Variants in FBXL17 observed in about 807,000 individuals in gnomAD.
The protein encoded by FBXL17 is F-box/LRR-repeat protein 17.
Under a neutral mutation model 66.2 loss-of-function variants are expected in FBXL17, and 22 were observed. The observed-to-expected ratio is 0.33, with a 90% confidence interval of 0.24 to 0.47. The LOEUF is 0.47. Ranked by LOEUF, FBXL17 falls within the 20% of genes least tolerant of loss-of-function variation. The probability of loss-of-function intolerance (pLI) is 1.00; values close to 1 mark genes in which losing one functional copy is unlikely to be tolerated. For synonymous variants in FBXL17, 474 were observed against 400.5 expected (o/e 1.18, Z -2.19); for missense variants, 878 against 948.2 (o/e 0.93, Z 0.97).
In FBXL17 at chr5:108,304,918, C is replaced by CT. The variant is rs560201662; in HGVS notation, c.1506+43480dup. ...AACTTTTCCATAAGGGACCAATACT[C>CT]TACTGTATGTCTACAATAAAACTTT... On this transcript the variant is annotated intron_variant, in intron 4 of 8. Coordinates refer to ENST00000542267, the MANE Select transcript of FBXL17 (RefSeq NM_001163315.3). Among the ~76,000 whole-genome samples the CT allele has an allele frequency of 8.5e-4, 130 of 152,146 alleles. 1 individual carries two copies. In the Middle Eastern group the frequency reaches 0.01, roughly 12 times the overall value.
rs180889654 is a variant in FBXL17 at position 108,068,999 on chromosome 5, C to T, written c.1746-47998G>A. Among the ~76,000 whole-genome samples the T allele has an allele frequency of 1.0e-3, 154 of 152,266 alleles. 1 individual carries two copies. The highest frequency in any genetic ancestry group is 2.0e-3 in the Admixed American group (30 of 15,298). ...AACATTTAGAGAACATCTTATTTGGCTGGAAACAAGATCATAAGATAATTC... is the reference window on the plus strand; with the variant it reads ...AACATTTAGAGAACATCTTATTTGGTTGGAAACAAGATCATAAGATAATTC... On this transcript the variant is annotated intron_variant, in intron 6 of 8. Coordinates refer to ENST00000542267, the MANE Select transcript of FBXL17 (RefSeq NM_001163315.3).
intron 5 of FBXL17, among the ~76,000 whole-genome samples, chr5:108,193,520 T>C (rs899995035): frequency 6.6e-6 from 1 of 152,148 alleles, no homozygotes; most frequent in Non-Finnish European, 1.5e-5. Flanking sequence ...AGGTCTGTTA[T>C]CTACACTTAG....
chr5:108,381,664 G>A lies in FBXL17; in HGVS notation c.28C>T (p.Arg10Cys). 6 of 1,474,222 alleles carry A rather than the reference G, an allele frequency of 4.1e-6. No homozygotes were observed. The highest frequency in any genetic ancestry group is 5.4e-6 in the Non-Finnish European group (6 of 1,116,612). 91.3% of individuals were successfully genotyped at this position (1,474,222 alleles called of 1,614,324 possible). A position where few individuals can be genotyped will look rare whatever the true frequency, so the allele number is the denominator to read the frequency against. ...GGCCTCTTCTGGCTCGGGCGGTTAC[G>A]CGGCTCCTTCGAGAGAAGGTGGCCC... MGHLLSKEP[R>C]NRPSQKRPRC... Residue 10 changes from arginine to cysteine, a missense_variant, in exon 1 of 9, where the codon CGT (arginine) becomes TGT (cysteine). This residue lies in a region of FBXL17 where 605 missense variants were observed against 509.5 expected (regional missense o/e 1.19). Transcript: ENST00000542267.
At chr5:108,126,295 A>T (rs1750693597) in intron 6 of FBXL17, among the ~76,000 whole-genome samples, 5 of 152,194 alleles carry the variant, frequency 3.3e-5, no homozygotes, top group African/African-American at 9.6e-5. Context: ...TTTCTTAGAA[A>T]CTATTTTGGA....
chr5:107,925,696 G>A (rs555798216), intron 7 of FBXL17, among the ~76,000 whole-genome samples: 19 of 152,278 alleles, frequency 1.2e-4, no homozygotes, highest in African/African-American at 4.6e-4. Flanking sequence ...GTTGTCCACA[G>A]TAGTAATGTG....
intron 8 of FBXL17, among the ~76,000 whole-genome samples, chr5:107,874,950 C>T (rs576998458): frequency 1.6e-4 from 25 of 152,340 alleles, no homozygotes; most frequent in Admixed American, 9.2e-4. Flanking sequence ...GCCCCAGCTG[C>T]ACTCTCACCA....
intron 6 of FBXL17, among the ~76,000 whole-genome samples, chr5:108,033,143 C>T (rs995206311): frequency 6.6e-6 from 1 of 152,134 alleles, no homozygotes; most frequent in Non-Finnish European, 1.5e-5. Context: ...AACCCATTAT[C>T]CATCACTTAG....
chr5:108,127,373 A>G (rs895587454), intron 6 of FBXL17, among the ~76,000 whole-genome samples: 5 of 152,236 alleles, frequency 3.3e-5, no homozygotes, highest in African/African-American at 1.2e-4. Flanking sequence ...AAAACAGTGT[A>G]GAAAAGCTGT....
chr5:108,324,692 A>G (rs1759769432), intron 4 of FBXL17, among the ~76,000 whole-genome samples: 1 of 152,076 alleles, frequency 6.6e-6, no homozygotes, highest in South Asian at 2.1e-4. Flanking sequence ...CCAACTGTCT[A>G]TCAATAGATG....
Position 107,988,710 on chromosome 5 carries a change from AT to A in FBXL17, c.1822+32214del, listed in dbSNP as rs545062870. On this transcript the variant is annotated intron_variant, in intron 7 of 8. Coordinates refer to ENST00000542267, the MANE Select transcript of FBXL17 (RefSeq NM_001163315.3). ...TGAATTAAAAGGATGAAATTCTTTT[AT>A]TATAGATATAGTGCTATCTTTAAAT... 3.7e-3 allele frequency among the ~76,000 whole-genome samples: 556 copies of A among 152,176 alleles called. 1 individual carries two copies. The highest frequency in any genetic ancestry group is 5.6e-3 in the Admixed American group (85 of 15,288).
At chr5:108,063,834 A>G (rs1748013855) in intron 6 of FBXL17, among the ~76,000 whole-genome samples, 1 of 152,082 alleles carries the variant, frequency 6.6e-6, no homozygotes, top group Admixed American at 6.5e-5. Context: ...GTTTTCTTGG[A>G]TGAAAAAAAC....
chr5:108,201,557 G>A (rs1177881893), intron 5 of FBXL17, among the ~76,000 whole-genome samples: 1 of 151,802 alleles, frequency 6.6e-6, no homozygotes, highest in African/African-American at 2.4e-5. Context: ...AAATAAATTG[G>A]ATTATATTTA....
At chr5:107,947,173 A>G (rs1399885616) in intron 7 of FBXL17, among the ~76,000 whole-genome samples, 1 of 152,178 alleles carries the variant, frequency 6.6e-6, no homozygotes, top group Non-Finnish European at 1.5e-5. Flanking sequence ...CCTGACAGGT[A>G]AAGTACAATG....
intron 8 of FBXL17, among the ~76,000 whole-genome samples, chr5:107,871,574 C>T (rs1464435132): frequency 2.6e-5 from 4 of 152,080 alleles, no homozygotes; most frequent in Non-Finnish European, 5.9e-5. Flanking sequence ...ATGTGTTGGC[C>T]GCTCTAAGGC....
At chr5:107,925,479 T>A (rs181237617) in intron 7 of FBXL17, among the ~76,000 whole-genome samples, 3 of 152,320 alleles carry the variant, frequency 2.0e-5, no homozygotes, top group Admixed American at 2.0e-4. Flanking sequence ...TGTGACTTTG[T>A]TGACAGCACG....
chr5:108,177,825 T>TA (rs1023336528), intron 6 of FBXL17, among the ~76,000 whole-genome samples: 3 of 150,870 alleles, frequency 2.0e-5, no homozygotes, highest in African/African-American at 7.3e-5. Context: ...ACAATGTGTA[T>TA]AAACAGAACA....
rs966511010 is a variant in FBXL17 at position 108,376,664 on chromosome 5, G to C, written c.993+4035C>G. 3.3e-5 allele frequency among the ~76,000 whole-genome samples: 5 copies of C among 151,992 alleles called. No homozygotes were observed. In the East Asian group the frequency reaches 9.6e-4, roughly 29 times the overall value. ...AGTCTAATATCTAGGCTCACTCACA[G>C]TCAGTTTCTATTAACTGCTTTCTTT... On this transcript the variant is annotated intron_variant, in intron 1 of 8. Transcript: ENST00000542267.
chr5:108,136,791 G>A (rs1286951265), intron 6 of FBXL17, among the ~76,000 whole-genome samples: 7 of 152,022 alleles, frequency 4.6e-5, no homozygotes, highest in Admixed American at 1.3e-4. Context: ...AGGAAACCTC[G>A]TATTTCTGTT....
chr5:108,173,973 G>A (rs767587683), intron 6 of FBXL17, among the ~76,000 whole-genome samples: 1 of 152,106 alleles, frequency 6.6e-6, no homozygotes, highest in Non-Finnish European at 1.5e-5. Context: ...TGTCAAATCT[G>A]GTTGTTAATT....
Sources: gnomAD v4.1 joint callset for allele counts (sites outside exome capture counted in the v4.1 genomes callset) on GRCh38, gnomAD v4.1.1 for gene constraint, gnomAD v4.1.1 regional missense constraint, MANE v1.5 for transcripts, NCBI Gene and HGNC (gene_info 2026-07-23, HGNC 2026-07-21) for gene names.